Variants in ITGB7 observed in about 807,000 individuals in gnomAD.
The protein encoded by ITGB7 is integrin beta-7.
Under a neutral mutation model 83.4 loss-of-function variants are expected in ITGB7, and 55 were observed. The ratio of observed to expected loss-of-function variants is 0.66; its 90% CI spans 0.53 to 0.83. ITGB7 has a LOEUF of 0.83. Ranked by LOEUF, ITGB7 falls within the 40% of genes least tolerant of loss-of-function variation. ITGB7 has a pLI of 0.00. For synonymous variants in ITGB7, 454 were observed against 423.6 expected, an observed-to-expected ratio of 1.07 and a Z score of -0.88; for missense variants, 921 against 1,046.7, an observed-to-expected ratio of 0.88 and a Z score of 1.66.
In ITGB7 at chr12:53,193,112, C is replaced by T. The variant is rs372904581; in HGVS notation, c.1726+28G>A. The stretch of plus-strand genomic sequence containing the variant: ...GTGCCTTGGGAAGGCCTCTCAGACC[C>T]CGCCCTTCTCCCCAAGGCTCCAGGT... On this transcript the variant is annotated intron_variant, in intron 12 of 15. Coordinates refer to ENST00000267082, the MANE Select transcript of ITGB7 (RefSeq NM_000889.3). 44 of 1,579,928 alleles carry T rather than the reference C, an allele frequency of 2.8e-5. No homozygotes were observed. In the South Asian group the frequency reaches 4.3e-4, roughly 15 times the overall value.
chr12:53,194,581 C>G (rs962841153), intron 9 of ITGB7: 6 of 459,178 alleles, frequency 1.3e-5, no homozygotes, highest in Non-Finnish European at 2.0e-5. Flanking sequence ...CCAGCAAGGG[C>G]CACTGAGGGT....
Position 53,196,731 on chromosome 12 carries a change from G to T in ITGB7, c.664C>A (p.Arg222Ser). The part of the protein sequence containing the change: ...LRHPCPTRLE[R>S]CQSPFSFHHV... ...TGAAAGCTGAATGGTGACTGGCAGCGCTCCAGCCGGGTGGGGCAGGGGTGG... is the reference window on the plus strand; with the variant it reads ...TGAAAGCTGAATGGTGACTGGCAGCTCTCCAGCCGGGTGGGGCAGGGGTGG... The change falls in exon 6 of 16, where the codon CGC (arginine) becomes AGC (serine). Residue 222 changes from arginine to serine, a missense_variant. Arg to Ser is a moderately radical substitution (Grantham distance 110). Transcript: ENST00000267082. 22 of 1,613,392 alleles carry T rather than the reference G, an allele frequency of 1.4e-5. No individual in the cohort carries two copies. The highest frequency in any genetic ancestry group is 1.9e-5 in the Non-Finnish European group (22 of 1,179,612).
At position 53,195,394 on chromosome 12, in the gene ITGB7, G is replaced by C; in HGVS notation, c.1141C>G (p.Leu381Val). The C allele has an allele frequency of 1.9e-6, 3 of 1,612,392 alleles. No individual in the cohort carries two copies. Among genetic ancestry groups the C allele is most frequent in the Middle Eastern group, 1.7e-4 (1 of 5,968 alleles). Reference sequence around the variant, plus strand: ...CTCACATTATAAGCATCCATGATGAGCTGTACCACGTTGCTGGAGTCCTCA... The same window carrying C: ...CTCACATTATAAGCATCCATGATGACCTGTACCACGTTGCTGGAGTCCTCA... ...LSEDSSNVVQ[L>V]IMDAYNSLSS... The change falls in exon 9 of 16, where the codon CTC (leucine) becomes GTC (valine). Residue 381 changes from leucine (L) to valine (V), a missense_variant. By Grantham distance (32) the Leu-to-Val change is conservative. Coordinates refer to ENST00000267082, the MANE Select transcript of ITGB7 (RefSeq NM_000889.3).
rs1490610580 is a variant in ITGB7, at chr12:53,192,327, T to G, written c.2155+3A>C. On this transcript the variant is annotated splice_donor_region_variant and intron_variant, in intron 14 of 15. Transcript: ENST00000267082. ...AGGGTTTGTGGCATCCCTGCCCACT[T>G]ACTTTCTTGGGGTCTCACTCTGAGC... 3 of 1,613,804 alleles carry G rather than the reference T, an allele frequency of 1.9e-6. No individual in the cohort carries two copies. The highest frequency in any genetic ancestry group is 3.3e-5 in the Admixed American group (2 of 60,002).
At chr12:53,200,565 C>T (rs541645138) in intron 2 of ITGB7, 119 bp from the exon 3 acceptor site, 10 of 769,094 alleles carry the variant, frequency 1.3e-5, no homozygotes, top group East Asian at 2.7e-5. Flanking sequence ...CTTTATCTCC[C>T]CTCATAGTTT....
chr12:53,197,120 AGAG>A (rs1269149965), intron 5 of ITGB7: 6 of 544,390 alleles, frequency 1.1e-5, no homozygotes, highest in Non-Finnish European at 2.0e-5. Flanking sequence ...AAATTTGAAT[AGAG>A]GAGAGTTGGC....
At chr12:53,203,455 C>T (rs1221987906) in intron 1 of ITGB7, among the ~76,000 whole-genome samples, 1 of 151,722 alleles carries the variant, frequency 6.6e-6, no homozygotes, top group Non-Finnish European at 1.5e-5. Flanking sequence ...CAAGACCGGC[C>T]TGGGCAACAT....
intron 1 of ITGB7, among the ~76,000 whole-genome samples, chr12:53,203,562 C>T (rs1306212115): frequency 1.4e-5 from 2 of 146,334 alleles, no homozygotes; most frequent in South Asian, 2.2e-4. Flanking sequence ...GCACAAGAAT[C>T]GCTTGAACCC....
At chr12:53,201,827 G>C (rs2120513541) in intron 1 of ITGB7, among the ~76,000 whole-genome samples, 1 of 152,304 alleles carries the variant, frequency 6.6e-6, no homozygotes, top group South Asian at 2.1e-4. Flanking sequence ...CTTGAACCCA[G>C]TAGTTTGAGG....
chr12:53,193,943 C>A (rs375614554), intron 10 of ITGB7, 42 bp from the exon 11 acceptor site: 93 of 1,549,140 alleles, frequency 6.0e-5, no homozygotes, highest in Non-Finnish European at 7.9e-6. Context: ...TACACATGCA[C>A]ACACACATAC....
chr12:53,191,616 T>C lies in ITGB7; in HGVS notation c.2337A>G (p.Lys779=). 6.2e-7 allele frequency: 1 copy of C among 1,613,556 alleles called. No individual in the cohort carries two copies. Among genetic ancestry groups the C allele is most frequent in the Non-Finnish European group, 8.5e-7 (1 of 1,179,590 alleles). Residue 779 remains lysine, a synonymous_variant, in exon 16 of 16, where the codon AAA becomes AAG. Transcript: ENST00000267082. ...NWKQDSNPLY[K]SAITTTINPR... ...GATTGATGGTGGTCGTGATGGCACTTTTGTAGAGAGGATTACTGTCCTGGA... is the reference window on the plus strand; with the variant it reads ...GATTGATGGTGGTCGTGATGGCACTCTTGTAGAGAGGATTACTGTCCTGGA...
intron 3 of ITGB7, among the ~76,000 whole-genome samples, chr12:53,198,447 G>A (rs1250530587): frequency 6.6e-6 from 1 of 151,716 alleles, no homozygotes; most frequent in Non-Finnish European, 1.5e-5. Flanking sequence ...GTAAAGACAG[G>A]GTCTTGCTTT....
At position 53,191,629 on chromosome 12, in the gene ITGB7, TTA is replaced by T; in HGVS notation, c.2322_2323del (p.Ser774ArgfsTer46). On this transcript the variant is annotated frameshift_variant, in exon 16 of 16. Coordinates refer to ENST00000267082, the MANE Select transcript of ITGB7 (RefSeq NM_000889.3). LOFTEE classifies it high-confidence loss of function. Reference sequence around the variant, plus strand: ...CGTGATGGCACTTTTGTAGAGAGGATTACTGTCCTGGAGAAAGATGTTGCAGA... The same window carrying T: ...CGTGATGGCACTTTTGTAGAGAGGATCTGTCCTGGAGAAAGATGTTGCAGA... The T allele has an allele frequency of 6.2e-7, 1 of 1,613,144 alleles. No homozygotes were observed. The highest frequency in any genetic ancestry group is 1.1e-5 in the South Asian group (1 of 91,066).
At position 53,191,348 on chromosome 12, in the gene ITGB7, T is replaced by C; in HGVS notation, c.*208A>G. ...TCTGAGGTAAGACTTTATTGTATAC[T>C]TGGGTGGGGTAGCCCAGATGGATGC... On this transcript the variant is annotated 3_prime_UTR_variant, in exon 16 of 16. Transcript: ENST00000267082. The C allele has an allele frequency of 1.7e-6, 1 of 586,846 alleles. No individual in the cohort carries two copies. The highest frequency in any genetic ancestry group is 3.1e-6 in the Non-Finnish European group (1 of 326,728). 36.4% of individuals were successfully genotyped at this position (586,846 alleles called of 1,614,324 possible).
At position 53,198,482 on chromosome 12, in the gene ITGB7, C is replaced by T. The variant is rs954510929; in HGVS notation, c.202-531G>A. ...TTTTGCCCAGTCTTGTTTCGAACTCCTGGCCCCAAGAAATCCTCCTGCCCC... is the reference window on the plus strand; with the variant it reads ...TTTTGCCCAGTCTTGTTTCGAACTCTTGGCCCCAAGAAATCCTCCTGCCCC... On this transcript the variant is annotated intron_variant, in intron 3 of 15. Transcript: ENST00000267082. Among the ~76,000 whole-genome samples, 3 of 151,940 alleles carry T rather than the reference C, an allele frequency of 2.0e-5. No homozygotes were observed. In the East Asian group the frequency reaches 5.8e-4, roughly 29 times the overall value.
In ITGB7 at chr12:53,192,790, T is replaced by A. The variant is rs148177808; in HGVS notation, c.1847A>T (p.His616Leu). Residue 616 changes from histidine to leucine, a missense_variant, in exon 13 of 16, where the codon CAT becomes CTT. Transcript: ENST00000267082. ...ISPEGGLCSG[H>L]GRCKCNRCQC... ...GCAGCGGTTGCATTTGCAGCGTCCATGCCCACTGCAGAGCCCTCCCTCGGG... is the reference window on the plus strand; with the variant it reads ...GCAGCGGTTGCATTTGCAGCGTCCAAGCCCACTGCAGAGCCCTCCCTCGGG... 2.4e-5 allele frequency: 38 copies of A among 1,614,104 alleles called. No homozygotes were observed. In the African/African-American group the frequency reaches 4.0e-4, roughly 17 times the overall value.
intron 1 of ITGB7, chr12:53,201,399 ACT>A (rs1004407335): frequency 2.6e-5 from 4 of 151,914 alleles, no homozygotes; most frequent in African/African-American, 7.3e-5. Flanking sequence ...GACCACAAGA[ACT>A]CTCTGCAGGT....
chr12:53,191,406 G>A lies in ITGB7; in HGVS notation c.*150C>T, dbSNP rs1941936876. 3 of 683,068 alleles carry A rather than the reference G, an allele frequency of 4.4e-6. No homozygotes were observed. The highest frequency in any genetic ancestry group is 1.6e-5 in the South Asian group (1 of 61,422). The allele number at this position is 683,068 out of a possible 1,614,324, so 42.3% of individuals were successfully genotyped here. On this transcript the variant is annotated 3_prime_UTR_variant, in exon 16 of 16. Coordinates refer to ENST00000267082, the MANE Select transcript of ITGB7 (RefSeq NM_000889.3). ...CAGGCATGGGAAGCAGCCCTCTTGG[G>A]TGTCACTCTGAAAATGAAGTAGGGT...
intron 1 of ITGB7, among the ~76,000 whole-genome samples, chr12:53,202,328 C>A (rs1173662110): frequency 6.6e-6 from 1 of 152,124 alleles, no homozygotes; most frequent in Non-Finnish European, 1.5e-5. Context: ...CACTGCCCTG[C>A]AGCCTGGACA....
Sources: allele counts gnomAD v4.1 joint callset (sites outside exome capture counted in the v4.1 genomes callset), GRCh38; gene constraint gnomAD v4.1.1; transcripts MANE v1.5; gene names NCBI Gene and HGNC (gene_info 2026-07-23, HGNC 2026-07-21).